SLX4IP: variants seen among roughly 807,000 people sequenced by gnomAD.
SLX4IP encodes SLX4 interacting protein, also known as protein SLX4IP.
SLX4IP carries 34 observed loss-of-function variants against 32.9 expected under a neutral mutation model. The ratio of observed to expected loss-of-function variants is 1.03; its 90% CI spans 0.79 to 1.38. The LOEUF (loss-of-function observed/expected upper bound fraction) is 1.38. Ranked by LOEUF, SLX4IP falls within the 40% of genes most tolerant of loss-of-function variation. The probability of loss-of-function intolerance (pLI) is 0.00; values close to 1 mark genes in which losing one functional copy is unlikely to be tolerated. For missense variants in SLX4IP, 444 were observed against 479.0 expected, an observed-to-expected ratio of 0.93 and a Z score of 0.68; for synonymous variants, 172 against 171.7, an observed-to-expected ratio of 1.00 and a Z score of -0.01.
chr20:10,518,906 T>A (rs1227389287), intron 2 of SLX4IP, among the ~76,000 whole-genome samples: 1 of 152,160 alleles, frequency 6.6e-6, no homozygotes, highest in Non-Finnish European at 1.5e-5. Flanking sequence ...AATGTTTGCC[T>A]AACACAGGTG....
chr20:10,575,231 G>A (rs992671748), intron 4 of SLX4IP, among the ~76,000 whole-genome samples: 1 of 152,162 alleles, frequency 6.6e-6, no homozygotes. Flanking sequence ...TATTTCTAAC[G>A]ATGACAACTG....
At chr20:10,546,065 A>G (rs2066159243) in intron 2 of SLX4IP, among the ~76,000 whole-genome samples, 1 of 152,212 alleles carries the variant, frequency 6.6e-6, no homozygotes, top group Non-Finnish European at 1.5e-5. Flanking sequence ...TAGATCAAGT[A>G]GTGGACAAAA....
At chr20:10,602,460 T>C (rs1180591262) in intron 6 of SLX4IP, among the ~76,000 whole-genome samples, 1 of 152,238 alleles carries the variant, frequency 6.6e-6, no homozygotes, top group Non-Finnish European at 1.5e-5. Context: ...GACTGCTTTG[T>C]CTTTTAAGCT....
intron 1 of SLX4IP, among the ~76,000 whole-genome samples, chr20:10,453,307 C>CGTGTGTGTGT (rs1555805264): frequency 7.0e-6 from 1 of 142,886 alleles, no homozygotes; most frequent in Admixed American, 6.9e-5. Flanking sequence ...AAAACTCATC[C>CGTGTGTGTGT]GTGTGTGTGT....
chr20:10,622,761 G>A lies in SLX4IP; in HGVS notation c.609G>A (p.Arg203=). 6.2e-7 allele frequency: 1 copy of A among 1,614,064 alleles called. No homozygotes were observed. The highest frequency in any genetic ancestry group is 2.2e-5 in the East Asian group (1 of 44,898). ...SSDSVIAEIA[R]RRNDGQASSS... ...ACTCAGTGATTGCAGAGATAGCAAG[G>A]AGGAGGAATGATGGTCAGGCTTCCT... Residue 203 remains arginine (R), a synonymous_variant, in exon 8 of 8, where the codon AGG becomes AGA. Transcript: ENST00000334534.
chr20:10,533,617 CTTTT>C (rs35385148), intron 2 of SLX4IP, among the ~76,000 whole-genome samples: 19 of 95,578 alleles, frequency 2.0e-4, no homozygotes, highest in South Asian at 3.9e-4. Context: ...CATTCTTGGC[CTTTT>C]TTTTTTTTTT....
intron 6 of SLX4IP, among the ~76,000 whole-genome samples, chr20:10,620,039 T>C (rs1666499932): frequency 6.6e-6 from 1 of 152,144 alleles, no homozygotes; most frequent in Non-Finnish European, 1.5e-5. Flanking sequence ...GGGCAGTGAT[T>C]AGGCAAAGCA....
chr20:10,458,169 C>G lies in SLX4IP; in HGVS notation c.-29-7C>G. The stretch of plus-strand genomic sequence containing the variant: ...ATACCTAATTGTAACTTTTTTTTTT[C>G]TTAAAGGTCTGTAGTTACTGTGGAA... On this transcript the variant is annotated splice_region_variant and splice_polypyrimidine_tract_variant and intron_variant, in intron 1 of 7. Coordinates refer to ENST00000334534, the MANE Select transcript of SLX4IP (RefSeq NM_001009608.3). 6.6e-7 allele frequency: 1 copy of G among 1,508,518 alleles called. No individual in the cohort carries two copies. Among genetic ancestry groups the G allele is most frequent in the Non-Finnish European group, 8.8e-7 (1 of 1,134,846 alleles). The allele number at this position is 1,508,518 out of a possible 1,614,324, so 93.4% of individuals were successfully genotyped here. A position where few individuals can be genotyped will look rare whatever the true frequency, so the allele number is the denominator to read the frequency against.
chr20:10,527,200 T>C (rs1387930726), intron 2 of SLX4IP, among the ~76,000 whole-genome samples: 2 of 152,146 alleles, frequency 1.3e-5, no homozygotes, highest in Admixed American at 1.3e-4. Context: ...AAAAACAAAA[T>C]ACTGCCCCTC....
At chr20:10,552,802 T>C (rs144629197) in intron 2 of SLX4IP, among the ~76,000 whole-genome samples, 1 of 151,690 alleles carries the variant, frequency 6.6e-6, no homozygotes, top group Middle Eastern at 3.2e-3. Context: ...TCAAGTTGCT[T>C]AAGCTTAAGA....
intron 2 of SLX4IP, among the ~76,000 whole-genome samples, chr20:10,514,315 G>A (rs994643163): frequency 2.0e-5 from 3 of 152,120 alleles, no homozygotes; most frequent in African/African-American, 4.8e-5. Context: ...TCTTAAGTTC[G>A]TTTTGGCATC....
intron 2 of SLX4IP, among the ~76,000 whole-genome samples, chr20:10,459,245 G>A (rs184750420): frequency 8.6e-5 from 13 of 151,944 alleles, no homozygotes; most frequent in African/African-American, 3.1e-4. Flanking sequence ...TAAGTTCCTT[G>A]TAGACTCTGG....
At chr20:10,587,760 C>G (rs1472959787) in intron 4 of SLX4IP, among the ~76,000 whole-genome samples, 2 of 152,088 alleles carry the variant, frequency 1.3e-5, no homozygotes, top group African/African-American at 4.8e-5. Context: ...AGAATAGTCT[C>G]TTCAATAAAT....
At chr20:10,471,242 C>T (rs2065656317) in intron 2 of SLX4IP, among the ~76,000 whole-genome samples, 2 of 152,110 alleles carry the variant, frequency 1.3e-5, no homozygotes, top group Admixed American at 1.3e-4. Context: ...TAATTCTTTT[C>T]ATATGTGAGG....
intron 2 of SLX4IP, among the ~76,000 whole-genome samples, chr20:10,491,206 G>T (rs2065620387): frequency 6.6e-6 from 1 of 152,150 alleles, no homozygotes; most frequent in African/African-American, 2.4e-5. Context: ...GAACACCCTT[G>T]TACTTATTTC....
At chr20:10,529,206 A>C (rs1703270579) in intron 2 of SLX4IP, among the ~76,000 whole-genome samples, 1 of 152,230 alleles carries the variant, frequency 6.6e-6, no homozygotes, top group Non-Finnish European at 1.5e-5. Flanking sequence ...CTGTCATGCT[A>C]ACATGAGACA....
intron 4 of SLX4IP, among the ~76,000 whole-genome samples, chr20:10,563,183 A>G (rs762796477): frequency 3.8e-4 from 58 of 152,198 alleles, no homozygotes; most frequent in Non-Finnish European, 1.5e-4. Flanking sequence ...AATGTTTCAT[A>G]TACTTGTTGG....
chr20:10,609,786 G>C (rs2066945262), intron 6 of SLX4IP, among the ~76,000 whole-genome samples: 1 of 152,114 alleles, frequency 6.6e-6, no homozygotes, highest in South Asian at 2.1e-4. Context: ...TGTCAGAGAA[G>C]GCATTTTTTT....
At chr20:10,617,380 A>C (rs1439467604) in intron 6 of SLX4IP, among the ~76,000 whole-genome samples, 4 of 152,142 alleles carry the variant, frequency 2.6e-5, no homozygotes, top group Non-Finnish European at 4.4e-5. Context: ...TGATGCAGCC[A>C]GTCTTCCCAC....
Sources: gnomAD v4.1 joint callset for allele counts (sites outside exome capture counted in the v4.1 genomes callset) on GRCh38, gnomAD v4.1.1 for gene constraint, MANE v1.5 for transcripts, NCBI Gene and HGNC (gene_info 2026-07-23, HGNC 2026-07-21) for gene names.